GARNL3: variants seen among roughly 807,000 people sequenced by gnomAD.
GARNL3 encodes the protein GTPase activating Rap/RanGAP domain like 3.
Under a neutral mutation model 125.0 loss-of-function variants are expected in GARNL3, and 63 were observed. The ratio of observed to expected loss-of-function variants is 0.50; its 90% confidence interval spans 0.41 to 0.62. GARNL3 has a LOEUF of 0.62. Ranked by LOEUF, GARNL3 falls within the 20% of genes least tolerant of loss-of-function variation. The pLI is 0.00. For missense variants in GARNL3, 994 were observed against 1,244.0 expected, an observed-to-expected ratio of 0.80 and a Z score of 3.02; for synonymous variants, 439 against 457.5, an observed-to-expected ratio of 0.96 and a Z score of 0.52.
intron 1 of GARNL3, among the ~76,000 whole-genome samples, chr9:127,284,161 T>C (rs1220896246): frequency 1.3e-5 from 2 of 152,154 alleles, no homozygotes; most frequent in Non-Finnish European, 2.9e-5. Flanking sequence ...GCTGCCTTTG[T>C]GGGGCAGTGT....
At position 127,231,972 on chromosome 9, in the gene GARNL3, C is replaced by G. The variant is rs373938263; in HGVS notation, c.-29+7634C>G. ...ATACAGTACTTCAAAAACCAACCCT[C>G]TGAGTAATACCAGAATCTTTCCTGC... On this transcript the variant is annotated intron_variant, in intron 1 of 10. Coordinates refer to the GARNL3 transcript ENST00000439286. Among the ~76,000 whole-genome samples, 7 of 152,314 alleles carry G rather than the reference C, an allele frequency of 4.6e-5. No homozygotes were observed. In the South Asian group the frequency reaches 1.0e-3, roughly 23 times the overall value.
upstream of GARNL3, among the ~76,000 whole-genome samples, chr9:127,260,824 T>C (rs1454651508): frequency 6.6e-6 from 1 of 152,230 alleles, no homozygotes; most frequent in Non-Finnish European, 1.5e-5. Flanking sequence ...TACACTACTT[T>C]CTATTACCTA....
intron 7 of GARNL3, among the ~76,000 whole-genome samples, chr9:127,326,445 A>T (rs2065575270): frequency 6.6e-6 from 1 of 152,202 alleles, no homozygotes; most frequent in African/African-American, 2.4e-5. Flanking sequence ...CTATGATGCC[A>T]TTAGAAAAAA....
In GARNL3 at chr9:127,345,016, T is replaced by A. The variant is rs117285276; in HGVS notation, c.1357-387T>A. On this transcript the variant is annotated intron_variant, in intron 15 of 27. Coordinates refer to ENST00000373387, the MANE Select transcript of GARNL3 (RefSeq NM_032293.5). ...AGGTGGAGAGAGGAAAGCCATGTAA[T>A]CAAGGGAAGCTTAGTTACAAGGTTC... Among the ~76,000 whole-genome samples, 3 of 152,314 alleles carry A rather than the reference T, an allele frequency of 2.0e-5. No individual in the cohort carries two copies. The East Asian group carries it at 5.8e-4, about 29-fold the overall frequency.
intron 22 of GARNL3, among the ~76,000 whole-genome samples, chr9:127,372,470 T>G (rs1340757119): frequency 1.3e-5 from 2 of 152,374 alleles, no homozygotes; most frequent in Admixed American, 1.3e-4. Flanking sequence ...GATATCTGAC[T>G]TGTACAAAAT....
intron 1 of GARNL3, among the ~76,000 whole-genome samples, chr9:127,273,755 A>G (rs1218306016): frequency 6.6e-6 from 1 of 152,162 alleles, no homozygotes; most frequent in Non-Finnish European, 1.5e-5. Flanking sequence ...CCTATGAGAA[A>G]AAATTTTTCT....
intron 27 of GARNL3, among the ~76,000 whole-genome samples, 188 bp downstream of exon 27, chr9:127,390,955 G>A (rs1832792008): frequency 6.6e-6 from 1 of 152,162 alleles, no homozygotes; most frequent in Non-Finnish European, 1.5e-5. Context: ...CTAGACAAAT[G>A]GGCACACTTA....
intron 1 of GARNL3, among the ~76,000 whole-genome samples, chr9:127,230,567 C>T (rs1020732992): frequency 6.6e-6 from 1 of 151,506 alleles, no homozygotes; most frequent in Non-Finnish European, 1.5e-5. Context: ...GCAGGAGAAT[C>T]GCATGAACCC....
At chr9:127,331,484 C>T (rs1413006927) in intron 7 of GARNL3, among the ~76,000 whole-genome samples, 1 of 150,386 alleles carries the variant, frequency 6.6e-6, no homozygotes, top group Non-Finnish European at 1.5e-5. Flanking sequence ...CAGAGTAAGA[C>T]TCTGTCTCAA....
chr9:127,378,760 A>T (rs899284677), intron 22 of GARNL3, among the ~76,000 whole-genome samples: 37 of 152,040 alleles, frequency 2.4e-4, no homozygotes, highest in African/African-American at 8.7e-4. Flanking sequence ...TTTTATATAT[A>T]TATTTTTTGT....
At chr9:127,389,352 A>AG (rs1564205202) in intron 26 of GARNL3, among the ~76,000 whole-genome samples, 1 of 152,200 alleles carries the variant, frequency 6.6e-6, no homozygotes, top group African/African-American at 2.4e-5. Flanking sequence ...AGCCATGTGA[A>AG]GGGGGGAAAT....
At chr9:127,358,949 C>A (rs1830828346) in intron 21 of GARNL3, among the ~76,000 whole-genome samples, 1 of 148,158 alleles carries the variant, frequency 6.7e-6, no homozygotes, top group African/African-American at 2.4e-5. Context: ...CCAGGCCAAG[C>A]CAATTATATC....
chr9:127,230,543 C>T (rs1357376837), intron 1 of GARNL3, among the ~76,000 whole-genome samples: 1 of 151,794 alleles, frequency 6.6e-6, no homozygotes, highest in African/African-American at 2.4e-5. Flanking sequence ...ATCCCAGCTA[C>T]TCAGGAGGCT....
intron 1 of GARNL3, among the ~76,000 whole-genome samples, chr9:127,288,567 G>C (rs555933870): frequency 6.6e-6 from 1 of 152,256 alleles, no homozygotes; most frequent in African/African-American, 2.4e-5. Flanking sequence ...AATGGTAACG[G>C]TGATAGTCAA....
intron 1 of GARNL3, among the ~76,000 whole-genome samples, chr9:127,235,050 T>C (rs1382386019): frequency 1.3e-5 from 2 of 152,148 alleles, no homozygotes; most frequent in Non-Finnish European, 2.9e-5. Context: ...ATATTTCTGC[T>C]TGGAAAGATA....
upstream of GARNL3, among the ~76,000 whole-genome samples, chr9:127,260,977 C>T (rs368157308): frequency 5.3e-5 from 8 of 152,088 alleles, no homozygotes; most frequent in African/African-American, 1.9e-4. Context: ...CTATGTGGGC[C>T]GGGTGCAGTG....
chr9:127,225,882 G>A (rs999906664), intron 1 of GARNL3, among the ~76,000 whole-genome samples: 2 of 151,168 alleles, frequency 1.3e-5, no homozygotes, highest in Non-Finnish European at 3.0e-5. Context: ...TGCCCGGGCC[G>A]CCGGCGCCCC....
At chr9:127,231,083 C>A (rs2063005942) in intron 1 of GARNL3, among the ~76,000 whole-genome samples, 1 of 109,338 alleles carries the variant, frequency 9.1e-6, no homozygotes, top group African/African-American at 3.8e-5. Context: ...GAGACAGAGT[C>A]TAGCTTTGTC....
chr9:127,355,513 G>T, intron 20 of GARNL3, 41 bp downstream of exon 20: 9 of 1,588,304 alleles, frequency 5.7e-6, no homozygotes, highest in Non-Finnish European at 7.8e-6. Context: ...CAACCAAGTT[G>T]TCTTGAAGCA....
Sources: allele counts gnomAD v4.1 joint callset (sites outside exome capture counted in the v4.1 genomes callset), GRCh38; gene constraint gnomAD v4.1.1; transcripts MANE v1.5; gene names NCBI Gene and HGNC (gene_info 2026-07-23, HGNC 2026-07-21).